Variants in KIFC3 observed in about 807,000 individuals in gnomAD.
KIFC3 encodes the protein kinesin-like protein KIFC3.
KIFC3 carries 60 observed loss-of-function variants against 101.8 expected under a neutral mutation model. That is an observed-to-expected ratio of 0.59 (90% confidence interval 0.48 to 0.73). KIFC3 has a LOEUF of 0.73. Ranked by LOEUF, KIFC3 falls within the 30% of genes least tolerant of loss-of-function variation. The pLI, the probability that KIFC3 is intolerant of heterozygous loss-of-function variation, is 0.00. For synonymous variants in KIFC3, 476 were observed against 482.7 expected, an observed-to-expected ratio of 0.99 and a Z score of 0.18; for missense variants, 966 against 1,137.1, an observed-to-expected ratio of 0.85 and a Z score of 2.16.
intron 1 of KIFC3, among the ~76,000 whole-genome samples, chr16:57,826,958 C>T (rs1401755262): frequency 2.6e-5 from 4 of 152,210 alleles, no homozygotes; most frequent in African/African-American, 9.7e-5. Context: ...GCTGCAGACC[C>T]TCCCTGCAGC....
intron 3 of KIFC3, among the ~76,000 whole-genome samples, chr16:57,783,472 CTTT>C (rs146386887): frequency 1.2e-5 from 1 of 82,626 alleles, no homozygotes; most frequent in Admixed American, 1.2e-4. Context: ...ATTTTCTTTT[CTTT>C]TTTTTTTTTT....
intron 1 of KIFC3, among the ~76,000 whole-genome samples, chr16:57,834,899 G>T (rs868987635): frequency 1.3e-5 from 2 of 152,236 alleles, no homozygotes; most frequent in Non-Finnish European, 1.5e-5. Context: ...AGCAATTCAT[G>T]AGCTATGCTC....
chr16:57,777,558 T>C (rs2052249469), intron 3 of KIFC3, among the ~76,000 whole-genome samples: 2 of 151,886 alleles, frequency 1.3e-5, no homozygotes, highest in Admixed American at 1.3e-4. Context: ...CCATCTCTAC[T>C]AAAAATACAA....
Position 57,764,022 on chromosome 16 carries a change from C to T in KIFC3, c.1617+121G>A, listed in dbSNP as rs1186559852. ...AACACAGATAACTACAGCCTCTGCTCCTGGGTTGTGAGGACCAAATGAGGC... is the reference window on the plus strand; with the variant it reads ...AACACAGATAACTACAGCCTCTGCTTCTGGGTTGTGAGGACCAAATGAGGC... On this transcript the variant is annotated intron_variant, in intron 12 of 19. Transcript: ENST00000445690. 6.6e-6 allele frequency: 5 copies of T among 753,044 alleles called. No homozygotes were observed. In the African/African-American group the frequency reaches 6.9e-5, roughly 10 times the overall value. 46.6% of individuals were successfully genotyped at this position (753,044 alleles called of 1,614,324 possible).
intron 10 of KIFC3, 67 bp downstream of exon 10, chr16:57,766,807 A>G (rs868972162): frequency 2.8e-6 from 3 of 1,090,518 alleles, no homozygotes; most frequent in African/African-American, 3.1e-5. Flanking sequence ...GTGAGCTCCA[A>G]GCATGACTGC....
rs1165977084 is a variant in KIFC3, at chr16:57,832,321, CT to C, written c.108+30407del. ...CAGCCATGAGCCACGGCGCCAGGCC[CT>C]TTTTTTTTTTTTTTTTTTTTTTTTT... On this transcript the variant is annotated intron_variant, in intron 1 of 2. Transcript: ENST00000563028. Among the ~76,000 whole-genome samples the C allele has an allele frequency of 5.9e-3, 437 of 73,482 alleles. 1 individual carries two copies. Among genetic ancestry groups the C allele is most frequent in the African/African-American group, 0.013 (210 of 16,770 alleles). 48.2% of individuals were successfully genotyped at this position (73,482 alleles called of 152,430 possible).
At chr16:57,837,074 ATG>A (rs1429307244) in intron 1 of KIFC3, among the ~76,000 whole-genome samples, 3 of 152,064 alleles carry the variant, frequency 2.0e-5, no homozygotes, top group Non-Finnish European at 4.4e-5. Flanking sequence ...GTGTTTGTTT[ATG>A]TGTGTGTATG....
chr16:57,781,825 G>A, intron 3 of KIFC3: 2 of 579,122 alleles, frequency 3.5e-6, no homozygotes, highest in Non-Finnish European at 4.4e-6. Flanking sequence ...TTAAGCCTTG[G>A]TTAGGCAACT....
At chr16:57,809,972 G>A (rs2055028538) in intron 1 of KIFC3, among the ~76,000 whole-genome samples, 1 of 152,080 alleles carries the variant, frequency 6.6e-6, no homozygotes, top group Non-Finnish European at 1.5e-5. Context: ...AGGCCAGGTG[G>A]GGCTGAGAGC....
chr16:57,771,772 G>A, intron 4 of KIFC3, 86 bp from the exon 5 acceptor site: 1 of 1,471,624 alleles, frequency 6.8e-7, no homozygotes, highest in Non-Finnish European at 9.1e-7. Flanking sequence ...TGGCACAAGG[G>A]CAGGGAAGAG....
chr16:57,760,135 G>A lies in KIFC3; in HGVS notation c.2367+147C>T, dbSNP rs943923496. ...ACCTGTACTGAAGAGGCTGCTGGCT[G>A]TGGGTTCCAGCCGTAGCTCCACCCA... On this transcript the variant is annotated intron_variant, in intron 17 of 19. Transcript: ENST00000445690. The A allele has an allele frequency of 5.3e-6, 5 of 946,276 alleles. No individual in the cohort carries two copies. In the African/African-American group the frequency reaches 8.2e-5, roughly 16 times the overall value. The allele number at this position is 946,276 out of a possible 1,614,324, so 58.6% of individuals were successfully genotyped here. A position where few individuals can be genotyped will look rare whatever the true frequency, so the allele number is the denominator to read the frequency against.
chr16:57,831,939 G>A (rs1555479375), intron 1 of KIFC3, among the ~76,000 whole-genome samples: 2 of 152,206 alleles, frequency 1.3e-5, no homozygotes, highest in African/African-American at 4.8e-5. Context: ...TGAGGGGAAA[G>A]GGATAGGATA....
Position 57,766,933 on chromosome 16 carries a change from T to C in KIFC3, c.1271A>G (p.Lys424Arg). 1 of 1,613,080 alleles carries C rather than the reference T, an allele frequency of 6.2e-7. No individual in the cohort carries two copies. The highest frequency in any genetic ancestry group is 8.5e-7 in the Non-Finnish European group (1 of 1,179,962). Residue 424 changes from lysine to arginine, a missense_variant, in exon 10 of 20, where the codon AAG becomes AGG. Physicochemically the swap from Lys to Arg is conservative, Grantham distance 26. Coordinates refer to ENST00000445690, the MANE Select transcript of KIFC3 (RefSeq NM_001130100.2). ...ACGCAGCTGCAGCTCGCGGCGGTAC[T>C]TGCGCAGCAGCTCCTGGTTGTTGCT... ...VNSNNQELLR[K>R]YRRELQLRKK...
At chr16:57,797,589 C>T (rs1722074724) in intron 2 of KIFC3, 2 of 616,900 alleles carry the variant, frequency 3.2e-6, no homozygotes, top group Non-Finnish European at 2.1e-6. Context: ...GGACCCCAAG[C>T]CCCGCCAGGC....
upstream of KIFC3, among the ~76,000 whole-genome samples, chr16:57,805,655 C>T (rs1363317684): frequency 6.7e-6 from 1 of 148,756 alleles, no homozygotes; most frequent in African/African-American, 2.5e-5. Context: ...GGTGTGTTCA[C>T]GGTGGTATGC....
At chr16:57,766,734 C>T (rs1205331288) in intron 10 of KIFC3, 140 bp downstream of exon 10, 8 of 607,698 alleles carry the variant, frequency 1.3e-5, no homozygotes, top group Non-Finnish European at 2.3e-5. Flanking sequence ...AGTTCCCTGC[C>T]TTCTCTGTGC....
At chr16:57,759,444 A>T in intron 18 of KIFC3, 2 of 583,256 alleles carry the variant, frequency 3.4e-6, no homozygotes, top group South Asian at 4.2e-5. Flanking sequence ...GCCCATGCTC[A>T]GAGAGCAGGG....
chr16:57,831,511 C>T (rs1327237162), intron 1 of KIFC3, among the ~76,000 whole-genome samples: 2 of 152,060 alleles, frequency 1.3e-5, no homozygotes, highest in African/African-American at 4.8e-5. Context: ...CACAAGACCC[C>T]GGTCTCTATA....
intron 1 of KIFC3, chr16:57,817,058 A>C: frequency 6.8e-6 from 2 of 294,496 alleles, no homozygotes; most frequent in Non-Finnish European, 1.3e-5. Context: ...GGCTTAAAAC[A>C]ACAAAAACGT....
Sources: gnomAD v4.1 joint callset for allele counts (sites outside exome capture counted in the v4.1 genomes callset) on GRCh38, gnomAD v4.1.1 for gene constraint, MANE v1.5 for transcripts, NCBI Gene and HGNC (gene_info 2026-07-23, HGNC 2026-07-21) for gene names.